HMGB1: variants seen among roughly 807,000 people sequenced by gnomAD.
HMGB1 encodes high mobility group protein B1.
For synonymous variants in HMGB1, 81 were observed against 84.0 expected (o/e 0.96, Z 0.19); for missense variants, 79 against 253.5 (o/e 0.31, Z 4.67).
chr13:30,604,015 A>G (rs776558390), intron 1 of HMGB1, among the ~76,000 whole-genome samples: 1 of 152,198 alleles, frequency 6.6e-6, no homozygotes, highest in Non-Finnish European at 1.5e-5. Flanking sequence ...TCATCTTACC[A>G]TGCATTCAAC....
upstream of HMGB1, among the ~76,000 whole-genome samples, chr13:30,466,968 T>G (rs146601919): frequency 9.3e-4 from 142 of 152,200 alleles, no homozygotes; most frequent in African/African-American, 3.3e-3. Flanking sequence ...ATTACAGGAG[T>G]TGTAGGTATA....
At chr13:30,526,962 T>C (rs1888381762) in intron 1 of HMGB1, among the ~76,000 whole-genome samples, 1 of 152,266 alleles carries the variant, frequency 6.6e-6, no homozygotes. Context: ...CGCAGTGTTT[T>C]CCACACATCC....
chr13:30,475,704 TAAAC>T (rs1234920466), intron 1 of HMGB1, among the ~76,000 whole-genome samples: 4 of 152,144 alleles, frequency 2.6e-5, no homozygotes, highest in Admixed American at 2.0e-4. Flanking sequence ...ACCCTGTCTC[TAAAC>T]AAACAAACAA....
chr13:30,494,152 G>A (rs1419373456), intron 1 of HMGB1, among the ~76,000 whole-genome samples: 2 of 152,130 alleles, frequency 1.3e-5, no homozygotes, highest in Non-Finnish European at 2.9e-5. Flanking sequence ...CTAATCATCT[G>A]TTTGTCCTCT....
At chr13:30,569,260 T>C (rs542249208) in intron 1 of HMGB1, among the ~76,000 whole-genome samples, 1 of 152,314 alleles carries the variant, frequency 6.6e-6, no homozygotes, top group South Asian at 2.1e-4. Flanking sequence ...ATGAATTATA[T>C]GATTATAAAA....
In HMGB1 at chr13:30,527,305, G is replaced by T. The variant is rs576042094; in HGVS notation, c.-14-63611C>A. Reference sequence around the variant, plus strand: ...TGTAAGAAACTTCAGGGAGAAGCTGGCCTGTCAGCTCACCAAGGAAGGAAC... The same window carrying T: ...TGTAAGAAACTTCAGGGAGAAGCTGTCCTGTCAGCTCACCAAGGAAGGAAC... On this transcript the variant is annotated intron_variant, in intron 1 of 4. Coordinates refer to the HMGB1 transcript ENST00000405805. Among the ~76,000 whole-genome samples, 33 of 152,288 alleles carry T rather than the reference G, an allele frequency of 2.2e-4. No individual in the cohort carries two copies. The South Asian group carries it at 6.0e-3, about 28-fold the overall frequency.
chr13:30,601,833 A>T (rs1231654247), intron 1 of HMGB1, among the ~76,000 whole-genome samples: 2 of 150,242 alleles, frequency 1.3e-5, no homozygotes, highest in Non-Finnish European at 1.5e-5. Context: ...CATTGTAGTG[A>T]AGTTGAAATG....
chr13:30,607,605 G>C (rs71434797), intron 1 of HMGB1, among the ~76,000 whole-genome samples: 2,872 of 152,178 alleles, frequency 0.019, 39 homozygotes, highest in Middle Eastern at 0.051. Context: ...TGTGAAAATA[G>C]ACTAATACAA....
chr13:30,593,501 C>A (rs1871460060), intron 1 of HMGB1, among the ~76,000 whole-genome samples: 1 of 152,184 alleles, frequency 6.6e-6, no homozygotes, highest in Non-Finnish European at 1.5e-5. Context: ...CACCTCAATG[C>A]CAAGACATTT....
At chr13:30,556,002 G>A (rs1869670316) in intron 1 of HMGB1, among the ~76,000 whole-genome samples, 2 of 152,236 alleles carry the variant, frequency 1.3e-5, no homozygotes, top group South Asian at 4.1e-4. Flanking sequence ...AATGGGAGAA[G>A]TGTCCAAAAG....
Position 30,460,161 on chromosome 13 carries a change from A to T in HMGB1, c.*1196T>A, listed in dbSNP as rs1886224130. ...ATCATTCAAATAAATTGAATAATTC[A>T]TACTGAGATGCAAAGTTTGTCTTCT... On this transcript the variant is annotated 3_prime_UTR_variant, in exon 5 of 5. Coordinates refer to ENST00000341423, the MANE Select transcript of HMGB1 (RefSeq NM_002128.7). 1 of 152,350 alleles carries T rather than the reference A, an allele frequency of 6.6e-6. No individual in the cohort carries two copies. Among genetic ancestry groups the T allele is most frequent in the Admixed American group, 6.5e-5 (1 of 15,284 alleles). The allele number at this position is 152,350 out of a possible 1,614,324, so 9.4% of individuals were successfully genotyped here.
chr13:30,474,989 G>T (rs540081155), intron 1 of HMGB1, among the ~76,000 whole-genome samples: 4 of 102,674 alleles, frequency 3.9e-5, no homozygotes, highest in Non-Finnish European at 7.3e-5. Context: ...TTTGAGACAG[G>T]GTCTCCCTTA....
intron 1 of HMGB1, among the ~76,000 whole-genome samples, chr13:30,483,022 G>A (rs1887271375): frequency 6.6e-6 from 1 of 151,296 alleles, no homozygotes; most frequent in African/African-American, 2.4e-5. Flanking sequence ...CCGAACTTCT[G>A]GCCTTAAGCA....
intron 1 of HMGB1, among the ~76,000 whole-genome samples, chr13:30,570,843 C>T (rs945192226): frequency 1.3e-5 from 2 of 152,150 alleles, no homozygotes. Flanking sequence ...GATGATGGTT[C>T]TATATTCTGT....
chr13:30,554,550 A>C, intron 1 of HMGB1: 2 of 790,794 alleles, frequency 2.5e-6, no homozygotes, highest in South Asian at 2.7e-5. Context: ...GAATTTTCTA[A>C]GGAAAACTTA....
intron 1 of HMGB1, among the ~76,000 whole-genome samples, chr13:30,495,366 G>A (rs556598671): frequency 6.4e-4 from 97 of 152,036 alleles, no homozygotes; most frequent in Non-Finnish European, 9.1e-4. Context: ...ACTCTAATTC[G>A]TAGAAATTTC....
At chr13:30,466,238 G>A (rs1886779201), upstream of HMGB1, among the ~76,000 whole-genome samples, 1 of 152,146 alleles carries the variant, frequency 6.6e-6, no homozygotes, top group Non-Finnish European at 1.5e-5. Flanking sequence ...GAGCGAAAAG[G>A]GCCTGACTTT....
chr13:30,462,402 T>C (rs890875687), intron 4 of HMGB1, 136 bp downstream of exon 4: 3 of 801,076 alleles, frequency 3.7e-6, no homozygotes, highest in South Asian at 2.7e-5. Flanking sequence ...TCTGCATTCT[T>C]TGAAGGATGA....
intron 1 of HMGB1, among the ~76,000 whole-genome samples, chr13:30,482,788 T>TTG (rs71706699): frequency 6.6e-6 from 1 of 151,964 alleles, no homozygotes; most frequent in African/African-American, 2.4e-5. Context: ...AATTTTTTTT[T>TTG]TTGTTGTTGT....
Sources: allele counts gnomAD v4.1 joint callset (sites outside exome capture counted in the v4.1 genomes callset), GRCh38; gene constraint gnomAD v4.1.1; transcripts MANE v1.5; gene names NCBI Gene and HGNC (gene_info 2026-07-23, HGNC 2026-07-21).